The following MME variants were observed in gnomAD, a reference collection of about 807,000 sequenced individuals.
MME encodes the protein membrane metalloendopeptidase.
In MME, 98 loss-of-function variants were observed where a neutral mutation model predicts 113.2. The ratio of observed to expected loss-of-function variants is 0.87; its 90% CI spans 0.74 to 1.02. MME has a LOEUF of 1.02. MME is among the 50% of genes least tolerant of loss of function. The probability of loss-of-function intolerance (pLI) is 0.00; values close to 1 mark genes in which losing one functional copy is unlikely to be tolerated. For synonymous variants in MME, 292 were observed against 300.6 expected (o/e 0.97, Z 0.30); for missense variants, 836 against 896.0 (o/e 0.93, Z 0.86).
intron 1 of MME, among the ~76,000 whole-genome samples, chr3:155,040,176 G>A (rs906805222): frequency 6.6e-6 from 1 of 152,166 alleles, no homozygotes; most frequent in Non-Finnish European, 1.5e-5. Context: ...CTTAATGCAA[G>A]ATTTCTCACC....
chr3:155,140,252 C>T lies in MME; in HGVS notation c.917C>T (p.Ala306Val), dbSNP rs1407756399. ...CTTCTGTATAACAAGATGACATTGG[C>T]CCAGATCCAAAATAACTTTTCACTA... The part of the protein sequence containing the change: ...PMLLYNKMTL[A>V]QIQNNFSLEI... Residue 306 changes from alanine to valine, a missense_variant, in exon 10 of 23, where the codon GCC (alanine) becomes GTC (valine). Physicochemically the swap from Ala to Val is moderately conservative, Grantham distance 64 (BLOSUM62 0). Coordinates refer to ENST00000360490, the MANE Select transcript of MME (RefSeq NM_007289.4). 7.4e-6 allele frequency: 12 copies of T among 1,612,636 alleles called. No homozygotes were observed. Among genetic ancestry groups the T allele is most frequent in the African/African-American group, 6.7e-5 (5 of 74,942 alleles).
At chr3:155,150,517 A>G (rs1202475319) in intron 16 of MME, among the ~76,000 whole-genome samples, 1 of 152,190 alleles carries the variant, frequency 6.6e-6, no homozygotes, top group Non-Finnish European at 1.5e-5. Context: ...TGCTATATGG[A>G]GCCAGCTTTC....
chr3:155,038,928 A>G lies in MME; in HGVS notation c.-11+14604A>G, dbSNP rs539341730. On this transcript the variant is annotated intron_variant, in intron 1 of 22. Transcript: ENST00000492661. The stretch of plus-strand genomic sequence containing the variant: ...TACAGGTATCTCATTTGTTGAGTGT[A>G]TTCCCTGTGATATTCATTCTCATTA... Among the ~76,000 whole-genome samples the G allele has an allele frequency of 1.6e-4, 24 of 152,258 alleles. No individual in the cohort carries two copies. The South Asian group carries it at 5.0e-3, about 32-fold the overall frequency.
intron 17 of MME, among the ~76,000 whole-genome samples, chr3:155,163,012 C>CAAAAAA (rs57700088): frequency 1.1e-4 from 9 of 78,276 alleles, no homozygotes; most frequent in Admixed American, 1.5e-4. Context: ...AACTCTGTCT[C>CAAAAAA]AAAAAAAAAA....
At chr3:155,084,424 G>A (rs12629968) in intron 2 of MME, 97 bp downstream of exon 2, 1 of 1,266,646 alleles carries the variant, frequency 7.9e-7, no homozygotes, top group African/African-American at 1.5e-5. Flanking sequence ...GTTAAGGATA[G>A]AGGCACTTAA....
rs1304384578 is a variant in MME, at chr3:155,180,511, A to T, written c.*52A>T. ...GGCTAGACTTGCCAACACCACAGAAATGGGGAATTCTCTAATCGAAAGAAA... is the reference window on the plus strand; with the variant it reads ...GGCTAGACTTGCCAACACCACAGAATTGGGGAATTCTCTAATCGAAAGAAA... On this transcript the variant is annotated 3_prime_UTR_variant, in exon 23 of 23. Coordinates refer to ENST00000360490, the MANE Select transcript of MME (RefSeq NM_007289.4). The T allele has an allele frequency of 7.2e-7, 1 of 1,393,918 alleles. No individual in the cohort carries two copies. Among genetic ancestry groups the T allele is most frequent in the East Asian group, 2.3e-5 (1 of 43,580 alleles). The allele number at this position is 1,393,918 out of a possible 1,614,324, so 86.3% of individuals were successfully genotyped here.
intron 13 of MME, 130 bp from the exon 14 acceptor site, chr3:155,144,229 C>A: frequency 1.4e-6 from 1 of 706,160 alleles, no homozygotes; most frequent in Non-Finnish European, 2.6e-6. Context: ...GCTTAGGTCA[C>A]AGTTTGTCTA....
At chr3:155,077,294 T>G (rs1261204549), upstream of MME, among the ~76,000 whole-genome samples, 1 of 152,240 alleles carries the variant, frequency 6.6e-6, no homozygotes, top group Non-Finnish European at 1.5e-5. Flanking sequence ...AAGGATCCAT[T>G]CTGCAAACTG....
chr3:155,029,951 T>C (rs1279997283), intron 1 of MME, among the ~76,000 whole-genome samples: 1 of 152,206 alleles, frequency 6.6e-6, no homozygotes, highest in African/African-American at 2.4e-5. Context: ...CTTATGCCTT[T>C]AGAATATTCT....
intron 3 of MME, among the ~76,000 whole-genome samples, chr3:155,105,137 T>A (rs1258003239): frequency 6.6e-6 from 1 of 152,170 alleles, no homozygotes; most frequent in Non-Finnish European, 1.5e-5. Context: ...GACTGAAGAA[T>A]TTCACTAATT....
chr3:155,083,082 G>T (rs1160000590), intron 1 of MME, among the ~76,000 whole-genome samples: 2 of 152,300 alleles, frequency 1.3e-5, no homozygotes, highest in East Asian at 1.9e-4. Context: ...GGCTGATAAA[G>T]TGTCACTAGG....
intron 7 of MME, among the ~76,000 whole-genome samples, chr3:155,118,542 C>T (rs1485905754): frequency 1.3e-5 from 2 of 152,208 alleles, no homozygotes; most frequent in Non-Finnish European, 2.9e-5. Context: ...CACAGTCCTC[C>T]AGATTATCTA....
chr3:155,085,637 T>C (rs1318216253), intron 3 of MME: 1 of 152,604 alleles, frequency 6.6e-6, no homozygotes, highest in Non-Finnish European at 1.5e-5. Context: ...GTTCTAGCAA[T>C]TCTCCTGCCT....
chr3:155,063,828 GA>G (rs1714284891), intron 1 of MME, among the ~76,000 whole-genome samples: 1 of 150,192 alleles, frequency 6.7e-6, no homozygotes, highest in Admixed American at 6.8e-5. Context: ...TTGGTAATGG[GA>G]AAAAGCAAGC....
chr3:155,126,174 A>T, intron 8 of MME, among the ~76,000 whole-genome samples: 1 of 152,208 alleles, frequency 6.6e-6, no homozygotes, highest in East Asian at 1.9e-4. Context: ...TGTGGGGTAC[A>T]GCTACTGGCT....
At chr3:155,138,499 C>G (rs1036067439) in intron 9 of MME, among the ~76,000 whole-genome samples, 2 of 152,152 alleles carry the variant, frequency 1.3e-5, no homozygotes, top group African/African-American at 4.8e-5. Flanking sequence ...TAAGTGGATT[C>G]CATCAGAATT....
At chr3:155,061,357 A>C (rs1453856730) in intron 1 of MME, among the ~76,000 whole-genome samples, 1 of 149,920 alleles carries the variant, frequency 6.7e-6, no homozygotes, top group Non-Finnish European at 1.5e-5. Context: ...AGGCTGAGGC[A>C]GGAGAATGGC....
chr3:155,177,809 C>A (rs746450071), intron 22 of MME, among the ~76,000 whole-genome samples: 1 of 152,104 alleles, frequency 6.6e-6, no homozygotes, highest in Non-Finnish European at 1.5e-5. Context: ...GGTTTTTCAA[C>A]GTACTCTTTC....
At chr3:155,074,578 C>T (rs888355224) in intron 1 of MME, among the ~76,000 whole-genome samples, 3 of 151,952 alleles carry the variant, frequency 2.0e-5, no homozygotes, top group African/African-American at 7.3e-5. Flanking sequence ...ATTACAAGCA[C>T]GTGCCACGAC....
Sources: allele counts gnomAD v4.1 joint callset (sites outside exome capture counted in the v4.1 genomes callset), GRCh38; gene constraint gnomAD v4.1.1; transcripts MANE v1.5; gene names NCBI Gene and HGNC (gene_info 2026-07-23, HGNC 2026-07-21).